The following LPP variants were observed in gnomAD, a reference collection of about 807,000 sequenced individuals.
The protein encoded by LPP is lipoma-preferred partner.
A neutral mutation model predicts 60.4 loss-of-function variants in LPP; 38 were observed. The ratio of observed to expected loss-of-function variants is 0.63; its 90% confidence interval spans 0.49 to 0.83. The LOEUF is 0.83. Ranked by LOEUF, LPP falls within the 40% of genes least tolerant of loss-of-function variation. The probability of loss-of-function intolerance (pLI) is 0.00; values close to 1 mark genes in which losing one functional copy is unlikely to be tolerated. For synonymous variants in LPP, 328 were observed against 290.8 expected (o/e 1.13, Z -1.30); for missense variants, 902 against 783.6 (o/e 1.15, Z -1.80).
chr3:188,807,347 T>C (rs961890270), intron 9 of LPP, among the ~76,000 whole-genome samples: 4 of 152,006 alleles, frequency 2.6e-5, no homozygotes, highest in African/African-American at 9.7e-5. Context: ...TTTTAGTGTT[T>C]GTATATATCC....
At chr3:188,523,594 CTTG>C (rs1486299789) in intron 5 of LPP, among the ~76,000 whole-genome samples, 2 of 152,196 alleles carry the variant, frequency 1.3e-5, no homozygotes, top group Admixed American at 6.5e-5. Context: ...TGGCACGCTA[CTTG>C]TTGTTGTTAC....
intron 9 of LPP, among the ~76,000 whole-genome samples, chr3:188,819,663 G>C (rs150055295): frequency 6.6e-6 from 1 of 152,200 alleles, no homozygotes; most frequent in African/African-American, 2.4e-5. Flanking sequence ...GTGTTCGGTG[G>C]GAATGAGGAA....
At chr3:188,277,659 G>T (rs985140123) in intron 2 of LPP, among the ~76,000 whole-genome samples, 1 of 152,182 alleles carries the variant, frequency 6.6e-6, no homozygotes. Context: ...CTGTGTTAAA[G>T]TGTGTTTATG....
intron 4 of LPP, among the ~76,000 whole-genome samples, chr3:188,440,530 T>C (rs1237304949): frequency 6.6e-6 from 1 of 152,202 alleles, no homozygotes; most frequent in Admixed American, 6.5e-5. Context: ...GGAAACCAGA[T>C]GTAAATATGC....
At chr3:188,743,348 T>C (rs1560143974) in intron 8 of LPP, among the ~76,000 whole-genome samples, 1 of 151,750 alleles carries the variant, frequency 6.6e-6, no homozygotes, top group Non-Finnish European at 1.5e-5. Flanking sequence ...GAGGGGACAT[T>C]TGAGACGAAA....
At chr3:188,167,886 T>A (rs957322767) in intron 1 of LPP, among the ~76,000 whole-genome samples, 10 of 152,212 alleles carry the variant, frequency 6.6e-5, no homozygotes. Flanking sequence ...TTTTATAACT[T>A]GCATTTGTCT....
chr3:188,436,478 A>G (rs1478963555), intron 4 of LPP, among the ~76,000 whole-genome samples: 5 of 152,144 alleles, frequency 3.3e-5, no homozygotes, highest in Non-Finnish European at 4.4e-5. Flanking sequence ...CTTGAGAAAC[A>G]TGTTTGCATT....
chr3:188,502,819 C>T (rs955653980), intron 5 of LPP, among the ~76,000 whole-genome samples: 3 of 151,986 alleles, frequency 2.0e-5, no homozygotes, highest in Non-Finnish European at 4.4e-5. Context: ...AAAAAAATCA[C>T]CTAATATAAA....
At chr3:188,696,222 ACTCT>A (rs147482649) in intron 7 of LPP, among the ~76,000 whole-genome samples, 9 of 148,874 alleles carry the variant, frequency 6.0e-5, no homozygotes, top group East Asian at 2.0e-4. Flanking sequence ...AGCACACAGT[ACTCT>A]CTCTCTCTCT....
rs540432733 is a variant in LPP, at chr3:188,687,979, G to A, written c.1114-20288G>A. 7.0e-4 allele frequency among the ~76,000 whole-genome samples: 106 copies of A among 152,104 alleles called. 3 individuals carry two copies. In the South Asian group the frequency reaches 0.019, roughly 27 times the overall value. On this transcript the variant is annotated intron_variant, in intron 7 of 11. Coordinates refer to ENST00000617246, the MANE Select transcript of LPP (RefSeq NM_001375462.1). ...TTTAGTAGAGACGGGGTTTCACCAC[G>A]TTATCTTATTCTTAACAGTGTCTGA...
At chr3:188,529,137 A>T (rs1393051382) in intron 6 of LPP, among the ~76,000 whole-genome samples, 2 of 152,196 alleles carry the variant, frequency 1.3e-5, no homozygotes, top group African/African-American at 2.4e-5. Context: ...ACTGAATTAG[A>T]TGTGTTAATA....
intron 7 of LPP, among the ~76,000 whole-genome samples, chr3:188,670,029 C>A: frequency 6.6e-6 from 1 of 152,172 alleles, no homozygotes; most frequent in Non-Finnish European, 1.5e-5. Flanking sequence ...CACATGTTCT[C>A]ACTCATAGGT....
chr3:188,404,851 GT>G (rs1783068092), intron 3 of LPP, among the ~76,000 whole-genome samples: 1 of 152,180 alleles, frequency 6.6e-6, no homozygotes, highest in Admixed American at 6.5e-5. Context: ...GGGCGTCCCT[GT>G]GCTGGAGAGC....
chr3:188,576,711 A>G (rs1004270169), intron 6 of LPP, among the ~76,000 whole-genome samples: 1 of 152,168 alleles, frequency 6.6e-6, no homozygotes. Context: ...TATCGTAGGC[A>G]TATTTTGTCC....
At chr3:188,236,096 G>A (rs1006332486) in intron 2 of LPP, among the ~76,000 whole-genome samples, 11 of 151,998 alleles carry the variant, frequency 7.2e-5, no homozygotes, top group Non-Finnish European at 1.6e-4. Flanking sequence ...AAAAAAGACA[G>A]AAAAATTAAT....
chr3:188,812,044 A>G (rs929008022), intron 9 of LPP, among the ~76,000 whole-genome samples: 1 of 152,106 alleles, frequency 6.6e-6, no homozygotes. Context: ...GTAAGGTAGT[A>G]AGAGGATCTT....
In LPP at chr3:188,540,443, A is replaced by C. The variant is rs558566933; in HGVS notation, c.429+15656A>C. Among the ~76,000 whole-genome samples the C allele has an allele frequency of 1.4e-4, 21 of 152,326 alleles. No individual in the cohort carries two copies. The East Asian group carries it at 3.9e-3, about 28-fold the overall frequency. ...TTTAAAGACCAAGTTCATGTTGTTC[A>C]AGATAATGTGAACCCAAATTCATTG... On this transcript the variant is annotated intron_variant, in intron 6 of 11. Transcript: ENST00000617246.
chr3:188,690,808 A>T (rs1861956330), intron 7 of LPP, among the ~76,000 whole-genome samples: 1 of 152,134 alleles, frequency 6.6e-6, no homozygotes, highest in Non-Finnish European at 1.5e-5. Context: ...GTTAGATTTT[A>T]GGGAACTCCT....
intron 5 of LPP, among the ~76,000 whole-genome samples, chr3:188,491,676 G>A (rs1808422851): frequency 6.6e-6 from 1 of 152,192 alleles, no homozygotes; most frequent in African/African-American, 2.4e-5. Flanking sequence ...TAGGCTCTTA[G>A]CATGTCACTG....
Sources: allele counts gnomAD v4.1 joint callset (sites outside exome capture counted in the v4.1 genomes callset), GRCh38; gene constraint gnomAD v4.1.1; transcripts MANE v1.5; gene names NCBI Gene and HGNC (gene_info 2026-07-23, HGNC 2026-07-21).